The following ERBB4 variants were observed in gnomAD, a reference collection of about 807,000 sequenced individuals.
The protein encoded by ERBB4 is receptor tyrosine-protein kinase erbB-4.
Under a neutral mutation model 158.0 loss-of-function variants are expected in ERBB4, and 42 were observed. The observed-to-expected ratio is 0.27, with a 90% CI of 0.21 to 0.34. ERBB4 has a LOEUF of 0.34. Ranked by LOEUF, ERBB4 falls within the 10% of genes least tolerant of loss-of-function variation. The probability of loss-of-function intolerance (pLI) is 1.00; values close to 1 mark genes in which losing one functional copy is unlikely to be tolerated. For missense variants in ERBB4, 1,333 were observed against 1,624.1 expected, an observed-to-expected ratio of 0.82 and a Z score of 3.08; for synonymous variants, 583 against 558.7, an observed-to-expected ratio of 1.04 and a Z score of -0.61.
chr2:211,552,164 G>C (rs1049104754), intron 20 of ERBB4, among the ~76,000 whole-genome samples: 1 of 151,560 alleles, frequency 6.6e-6, no homozygotes, highest in Non-Finnish European at 1.5e-5. Context: ...GCTCCAATTA[G>C]AAATATGACA....
intron 2 of ERBB4, among the ~76,000 whole-genome samples, chr2:211,980,769 CAT>C (rs1465885895): frequency 2.0e-5 from 3 of 152,110 alleles, no homozygotes; most frequent in South Asian, 2.1e-4. Flanking sequence ...TTGAAGGTCA[CAT>C]GTGATTACTA....
At chr2:212,289,112 G>A (rs77970769) in intron 1 of ERBB4, among the ~76,000 whole-genome samples, 2,049 of 152,190 alleles carry the variant, frequency 0.013, 47 homozygotes, top group African/African-American at 0.046. Flanking sequence ...AAGGCCAGCC[G>A]TGGCTACATA....
chr2:212,346,822 T>C (rs1255106101), intron 1 of ERBB4, among the ~76,000 whole-genome samples: 2 of 152,060 alleles, frequency 1.3e-5, no homozygotes, highest in East Asian at 1.9e-4. Flanking sequence ...AGAATGGAAA[T>C]AATTAGGGAC....
At chr2:212,023,520 T>TA (rs138635956) in intron 2 of ERBB4, among the ~76,000 whole-genome samples, 31,210 of 151,228 alleles carry the variant, frequency 0.21, 3,847 homozygotes, top group African/African-American at 0.33. Flanking sequence ...GTTAATTTTT[T>TA]AAAAAAAACA....
At chr2:212,093,430 A>C (rs540844240) in intron 2 of ERBB4, among the ~76,000 whole-genome samples, 1 of 152,216 alleles carries the variant, frequency 6.6e-6, no homozygotes, top group African/African-American at 2.4e-5. Flanking sequence ...AGAAGATGCA[A>C]GATGAACCTC....
chr2:211,381,125 CA>C lies in ERBB4; in HGVS notation c.*2489del. The C allele has an allele frequency of 4.3e-6, 1 of 232,450 alleles. No individual in the cohort carries two copies. The highest frequency in any genetic ancestry group is 8.5e-6 in the Non-Finnish European group (1 of 117,572). 14.4% of individuals were successfully genotyped at this position (232,450 alleles called of 1,614,324 possible). A position where few individuals can be genotyped will look rare whatever the true frequency, so the allele number is the denominator to read the frequency against. On this transcript the variant is annotated 3_prime_UTR_variant, in exon 28 of 28. Coordinates refer to ENST00000342788, the MANE Select transcript of ERBB4 (RefSeq NM_005235.3). The stretch of plus-strand genomic sequence containing the variant: ...AGCTATTAGATTGTGGCCCCTGAAT[CA>C]CTCTGTGTCTTTACCCCTGAAAAGT...
intron 5 of ERBB4, among the ~76,000 whole-genome samples, chr2:211,737,377 T>A (rs2074635104): frequency 6.6e-6 from 1 of 152,148 alleles, no homozygotes. Context: ...TTCTCCTCCT[T>A]CAGAACTTTC....
chr2:211,376,745 A>T lies in ERBB4; in HGVS notation c.*6870T>A, dbSNP rs1437049567. 2 of 233,008 alleles carry T rather than the reference A, an allele frequency of 8.6e-6. No homozygotes were observed. Among genetic ancestry groups the T allele is most frequent in the East Asian group, 1.2e-4 (2 of 16,556 alleles). The allele number at this position is 233,008 out of a possible 1,614,324, so 14.4% of individuals were successfully genotyped here. A position where few individuals can be genotyped will look rare whatever the true frequency, so the allele number is the denominator to read the frequency against. On this transcript the variant is annotated 3_prime_UTR_variant, in exon 28 of 28. Transcript: ENST00000342788. ...TAAGATGACTTTTTTTGTGCTATGA[A>T]TTGTCTTCCACATTGATCTCATTTT...
intron 3 of ERBB4, among the ~76,000 whole-genome samples, chr2:211,791,108 T>C (rs1293730644): frequency 6.6e-6 from 1 of 151,942 alleles, no homozygotes; most frequent in Non-Finnish European, 1.5e-5. Flanking sequence ...AGAGAATAGA[T>C]ACTAACCTGT....
At chr2:212,322,894 A>C (rs1198759446) in intron 1 of ERBB4, among the ~76,000 whole-genome samples, 1 of 150,026 alleles carries the variant, frequency 6.7e-6, no homozygotes, top group Non-Finnish European at 1.5e-5. Flanking sequence ...AAACAGAACT[A>C]ATTCCTTGCT....
intron 7 of ERBB4, among the ~76,000 whole-genome samples, chr2:211,716,537 C>G (rs1286710353): frequency 6.1e-4 from 90 of 147,594 alleles, no homozygotes; most frequent in East Asian, 1.6e-3. Context: ...TTAGCCGGGC[C>G]TGGTGGCGGG....
At chr2:211,687,138 A>AC (rs987050712) in intron 12 of ERBB4, among the ~76,000 whole-genome samples, 3 of 118,602 alleles carry the variant, frequency 2.5e-5, no homozygotes, top group Non-Finnish European at 5.6e-5. Flanking sequence ...CTACTTAAAA[A>AC]AAAAAAAGTA....
At chr2:212,022,183 A>C (rs574974590) in intron 2 of ERBB4, among the ~76,000 whole-genome samples, 1 of 152,268 alleles carries the variant, frequency 6.6e-6, no homozygotes, top group African/African-American at 2.4e-5. Flanking sequence ...CATTACTGGG[A>C]ATATACTCAA....
chr2:211,409,674 C>T (rs543830904), intron 25 of ERBB4, among the ~76,000 whole-genome samples: 17 of 152,220 alleles, frequency 1.1e-4, no homozygotes, highest in African/African-American at 3.1e-4. Context: ...GATACTAAAT[C>T]TCACTAAACT....
At chr2:212,204,922 G>A (rs958236194) in intron 1 of ERBB4, among the ~76,000 whole-genome samples, 3 of 147,960 alleles carry the variant, frequency 2.0e-5, no homozygotes, top group Admixed American at 6.8e-5. Context: ...GGGTTCAAAC[G>A]ATTCTCCTGC....
chr2:211,430,161 A>C (rs2063719166), intron 21 of ERBB4, among the ~76,000 whole-genome samples: 1 of 152,160 alleles, frequency 6.6e-6, no homozygotes, highest in South Asian at 2.1e-4. Flanking sequence ...TAATAAATAT[A>C]TTTATATGAC....
At chr2:211,874,479 A>T (rs1458962888) in intron 3 of ERBB4, among the ~76,000 whole-genome samples, 1 of 152,202 alleles carries the variant, frequency 6.6e-6, no homozygotes, top group Non-Finnish European at 1.5e-5. Context: ...TAGGTCTTCA[A>T]ATAATGAATT....
At chr2:211,978,052 C>T (rs10185729) in intron 2 of ERBB4, among the ~76,000 whole-genome samples, 118,180 of 149,870 alleles carry the variant, frequency 0.79, 47,839 homozygotes, top group East Asian at 0.98. Flanking sequence ...TTCTCTTCAC[C>T]TATTTTACTT....
chr2:211,939,012 A>G (rs548238427), intron 3 of ERBB4, among the ~76,000 whole-genome samples: 6 of 152,352 alleles, frequency 3.9e-5, no homozygotes, highest in Admixed American at 1.3e-4. Flanking sequence ...TTTTTAAAAA[A>G]TCAAATTCAG....
Sources: gnomAD v4.1 joint callset for allele counts (sites outside exome capture counted in the v4.1 genomes callset) on GRCh38, gnomAD v4.1.1 for gene constraint, MANE v1.5 for transcripts, NCBI Gene and HGNC (gene_info 2026-07-23, HGNC 2026-07-21) for gene names.